The following KAT7 variants were observed in gnomAD, a reference collection of about 807,000 sequenced individuals.
KAT7 encodes histone acetyltransferase KAT7.
KAT7 carries 10 observed loss-of-function variants against 82.1 expected under a neutral mutation model. The ratio of observed to expected loss-of-function variants is 0.12; its 90% confidence interval spans 0.08 to 0.21. The LOEUF is 0.21. Among genes scored for constraint, KAT7 ranks in the 10% least tolerant of loss-of-function variants. The pLI is 1.00. For synonymous variants in KAT7, 250 were observed against 262.5 expected, an observed-to-expected ratio of 0.95 and a Z score of 0.46; for missense variants, 378 against 760.9, an observed-to-expected ratio of 0.50 and a Z score of 5.92.
rs1055061479 is a variant in KAT7 at position 49,832,265 on chromosome 17, T to C, written c.*4763T>C. 6.6e-6 allele frequency: 1 copy of C among 151,786 alleles called. No homozygotes were observed. Among genetic ancestry groups the C allele is most frequent in the African/African-American group, 2.4e-5 (1 of 40,960 alleles). The allele number at this position is 151,786 out of a possible 1,614,324, so 9.4% of individuals were successfully genotyped here. ...GCCACTGCGCCCAGCCAAGTAACTT[T>C]TAACAGTGTGGTATAACCTTTAAAT... On this transcript the variant is annotated 3_prime_UTR_variant, in exon 15 of 15. Transcript: ENST00000259021.
chr17:49,823,537 T>C (rs2074331637), intron 12 of KAT7: 2 of 412,956 alleles, frequency 4.8e-6, no homozygotes, highest in Non-Finnish European at 8.8e-6. Context: ...TAAAGTAAGC[T>C]CTTTAGGATT....
chr17:49,799,169 T>C (rs1702388231), intron 4 of KAT7, among the ~76,000 whole-genome samples: 1 of 152,238 alleles, frequency 6.6e-6, no homozygotes, highest in Admixed American at 6.5e-5. Flanking sequence ...GTTTGAACCT[T>C]ATTTGTGCAC....
chr17:49,814,349 T>C (rs1369263164), intron 7 of KAT7, among the ~76,000 whole-genome samples: 1 of 152,238 alleles, frequency 6.6e-6, no homozygotes, highest in Non-Finnish European at 1.5e-5. Flanking sequence ...TAGTGGGCTA[T>C]AGGGTACCAG....
Position 49,815,864 on chromosome 17 carries a change from A to T in KAT7, c.914A>T (p.Tyr305Phe). 1 of 1,613,964 alleles carries T rather than the reference A, an allele frequency of 6.2e-7. No individual in the cohort carries two copies. Among genetic ancestry groups the T allele is most frequent in the African/African-American group, 1.3e-5 (1 of 75,038 alleles). Reference protein sequence around the residue: ...EPLLENLTSEYDLDLFRRAQA... With the variant: ...EPLLENLTSEFDLDLFRRAQA... ...CTTTTAGAAAACCTGACAAGCGAGT[A>T]TGACTTGGATCTTTTCCGAAGAGCA... Residue 305 changes from tyrosine to phenylalanine, a missense_variant, in exon 8 of 15, where the codon TAT becomes TTT. By Grantham distance (22) the Tyr-to-Phe change is conservative. Transcript: ENST00000259021.
At chr17:49,797,007 A>G (rs562052321) in intron 3 of KAT7, 81 bp downstream of exon 3, 6 of 1,114,222 alleles carry the variant, frequency 5.4e-6, no homozygotes, top group Non-Finnish European at 8.1e-6. Context: ...GGGCCACTGC[A>G]GGTAGATGCC....
intron 7 of KAT7, among the ~76,000 whole-genome samples, chr17:49,813,785 A>G (rs2074199783): frequency 6.6e-6 from 1 of 152,140 alleles, no homozygotes; most frequent in Admixed American, 6.5e-5. Context: ...AGACTTGAGC[A>G]TCCATGGATT....
At chr17:49,804,634 G>A (rs61285273) in intron 4 of KAT7, among the ~76,000 whole-genome samples, 1 of 152,072 alleles carries the variant, frequency 6.6e-6, no homozygotes, top group East Asian at 1.9e-4. Context: ...TGGGCCCAGC[G>A]TGATGTTGTG....
chr17:49,806,029 T>C (rs781116913), intron 5 of KAT7, among the ~76,000 whole-genome samples: 10 of 152,244 alleles, frequency 6.6e-5, no homozygotes, highest in Non-Finnish European at 1.2e-4. Context: ...TTGTGCGTTC[T>C]TGTGTGGGTT....
In KAT7 at chr17:49,823,247, A is replaced by C; in HGVS notation, c.1432A>C (p.Met478Leu). ...LNYNVSCILTMPQYMRQGYGK... is the reference protein window; with the variant it reads ...LNYNVSCILTLPQYMRQGYGK... ...CTACAACGTCTCCTGTATCCTTACT[A>C]TGCCTCAGTACATGAGACAGGGCTA... The change falls in exon 12 of 15, where the codon ATG (methionine) becomes CTG (leucine). Residue 478 changes from methionine to leucine, a missense_variant. By Grantham distance (15) the Met-to-Leu change is conservative (BLOSUM62 2). Transcript: ENST00000259021. The C allele has an allele frequency of 6.2e-7, 1 of 1,606,948 alleles. No individual in the cohort carries two copies. The highest frequency in any genetic ancestry group is 8.5e-7 in the Non-Finnish European group (1 of 1,173,712).
intron 12 of KAT7, among the ~76,000 whole-genome samples, chr17:49,824,179 C>T (rs937455751): frequency 2.6e-5 from 4 of 152,110 alleles, no homozygotes; most frequent in East Asian, 3.9e-4. Flanking sequence ...CTGTATTTCC[C>T]GTAGGAGTAG....
rs577295366 is a variant in KAT7, at chr17:49,821,272, C to T, written c.1156-65C>T. ...CCACATTTGACCTGTCATTCCTTTT[C>T]CCTTTTGAGGAGCAGTCTTGTTGGG... On this transcript the variant is annotated intron_variant, in intron 9 of 14. Transcript: ENST00000259021. 11 of 1,215,526 alleles carry T rather than the reference C, an allele frequency of 9.0e-6. No individual in the cohort carries two copies. In the East Asian group the frequency reaches 2.6e-4, roughly 29 times the overall value. The allele number at this position is 1,215,526 out of a possible 1,614,324, so 75.3% of individuals were successfully genotyped here.
chr17:49,797,742 C>G lies in KAT7; in HGVS notation c.341-577C>G, dbSNP rs372300702. On this transcript the variant is annotated intron_variant, in intron 3 of 14. Coordinates refer to ENST00000259021, the MANE Select transcript of KAT7 (RefSeq NM_007067.5). The stretch of plus-strand genomic sequence containing the variant: ...CTGGGAACACTGGGCGGCCAATCAC[C>G]CATAGTAATAATTGGCTGGAGTTGA... Among the ~76,000 whole-genome samples the G allele has an allele frequency of 6.6e-5, 10 of 152,280 alleles. 1 individual carries two copies. The East Asian group carries it at 1.5e-3, about 23-fold the overall frequency.
chr17:49,794,018 T>G (rs1457457402), intron 2 of KAT7, among the ~76,000 whole-genome samples: 3 of 152,214 alleles, frequency 2.0e-5, no homozygotes, highest in African/African-American at 7.2e-5. Flanking sequence ...CTATTGTCTC[T>G]TGATTTCTTA....
In KAT7 at chr17:49,809,151, A is replaced by G. The variant is rs779210077; in HGVS notation, c.696A>G (p.Glu232=). 1 of 1,614,184 alleles carries G rather than the reference A, an allele frequency of 6.2e-7. No individual in the cohort carries two copies. Among genetic ancestry groups the G allele is most frequent in the East Asian group, 2.2e-5 (1 of 44,884 alleles). The part of the protein sequence containing the change: ...VRAQSRDKQI[E]ERMLSHRQDD... ...CACAGAGCCGGGATAAGCAGATAGA[A>G]GAAAGGATGCTGTCTCACAGGCAAG... Residue 232 remains glutamate, a synonymous_variant, in exon 6 of 15, where the codon GAA becomes GAG. Transcript: ENST00000259021.
At chr17:49,820,870 A>G (rs2074295732) in intron 9 of KAT7, among the ~76,000 whole-genome samples, 1 of 149,084 alleles carries the variant, frequency 6.7e-6, no homozygotes, top group Non-Finnish European at 1.5e-5. Context: ...GGTTTTTATC[A>G]TTGTGAGTGG....
At chr17:49,799,559 T>C (rs955521303) in intron 4 of KAT7, among the ~76,000 whole-genome samples, 1 of 152,186 alleles carries the variant, frequency 6.6e-6, no homozygotes, top group Non-Finnish European at 1.5e-5. Context: ...GTATTTTTAG[T>C]AGAGATGGGG....
intron 2 of KAT7, among the ~76,000 whole-genome samples, chr17:49,794,549 G>A (rs538983686): frequency 5.3e-5 from 8 of 152,314 alleles, no homozygotes; most frequent in Admixed American, 1.3e-4. Context: ...GCCTCCCAAA[G>A]TGCTGGGATT....
chr17:49,794,835 A>G (rs1288438578), intron 2 of KAT7, among the ~76,000 whole-genome samples: 1 of 152,356 alleles, frequency 6.6e-6, no homozygotes, highest in East Asian at 1.9e-4. Flanking sequence ...GGTACCATTT[A>G]CAATGTCAGC....
intron 5 of KAT7, 88 bp downstream of exon 5, chr17:49,805,533 C>T: frequency 1.2e-6 from 1 of 810,322 alleles, no homozygotes; most frequent in Non-Finnish European, 2.1e-6. Context: ...ATACAGTGGC[C>T]AACAAGATGG....
Sources: allele counts gnomAD v4.1 joint callset (sites outside exome capture counted in the v4.1 genomes callset), GRCh38; gene constraint gnomAD v4.1.1; transcripts MANE v1.5; gene names NCBI Gene and HGNC (gene_info 2026-07-23, HGNC 2026-07-21).